CNTNAP5: variants seen among roughly 807,000 people sequenced by gnomAD.
CNTNAP5 encodes the protein contactin-associated protein-like 5.
Under a neutral mutation model 150.2 loss-of-function variants are expected in CNTNAP5, and 72 were observed. The observed-to-expected ratio is 0.48, with a 90% CI of 0.40 to 0.58. The LOEUF (loss-of-function observed/expected upper bound fraction) is 0.58. Ranked by LOEUF, CNTNAP5 falls within the 20% of genes least tolerant of loss-of-function variation. The pLI is 0.00. For synonymous variants in CNTNAP5, 672 were observed against 619.8 expected (o/e 1.08, Z -1.25); for missense variants, 1,636 against 1,626.2 (o/e 1.01, Z -0.10).
intron 4 of CNTNAP5, among the ~76,000 whole-genome samples, chr2:124,432,182 A>T (rs1359498456): frequency 1.3e-5 from 2 of 152,206 alleles, no homozygotes; most frequent in Admixed American, 1.3e-4. Flanking sequence ...ATATCTGTCT[A>T]TGGGGGTGGG....
intron 13 of CNTNAP5, among the ~76,000 whole-genome samples, chr2:124,669,665 T>G (rs1250002954): frequency 6.6e-6 from 1 of 152,218 alleles, no homozygotes; most frequent in East Asian, 1.9e-4. Context: ...CTGATCTTCT[T>G]CCTCCAAATA....
chr2:124,611,841 C>G (rs138100930), intron 12 of CNTNAP5, among the ~76,000 whole-genome samples: 53 of 152,104 alleles, frequency 3.5e-4, no homozygotes, highest in Admixed American at 3.1e-3. Context: ...TACTGAGCTT[C>G]GACTCTCTCT....
intron 11 of CNTNAP5, among the ~76,000 whole-genome samples, chr2:124,592,718 A>G (rs1239536614): frequency 2.0e-5 from 3 of 151,586 alleles, no homozygotes; most frequent in Non-Finnish European, 4.4e-5. Context: ...AAGTAACGTC[A>G]GACATCTTTT....
chr2:124,725,288 A>AT (rs1298265592), intron 13 of CNTNAP5, among the ~76,000 whole-genome samples: 1 of 151,878 alleles, frequency 6.6e-6, no homozygotes, highest in Non-Finnish European at 1.5e-5. Context: ...AGGGATTGTT[A>AT]TTTTTTTCCA....
chr2:124,612,474 A>G (rs1008697397), intron 12 of CNTNAP5, among the ~76,000 whole-genome samples: 24 of 152,190 alleles, frequency 1.6e-4, no homozygotes, highest in African/African-American at 5.5e-4. Flanking sequence ...TGACTGATAC[A>G]TAGGTTTCAT....
chr2:124,242,589 C>A, intron 3 of CNTNAP5, 196 bp downstream of exon 3: 1 of 410,332 alleles, frequency 2.4e-6, no homozygotes, highest in Non-Finnish European at 4.1e-6. Context: ...ATGTCTGTCG[C>A]AAATAGTTTA....
At chr2:124,369,245 A>G (rs779982) in intron 3 of CNTNAP5, among the ~76,000 whole-genome samples, 23,342 of 151,994 alleles carry the variant, frequency 0.15, 2,030 homozygotes, top group African/African-American at 0.21. Flanking sequence ...GCCTTTGTAT[A>G]TTTTCATAGA....
At chr2:124,774,687 C>T (rs1049019182) in intron 17 of CNTNAP5, among the ~76,000 whole-genome samples, 2 of 152,092 alleles carry the variant, frequency 1.3e-5, no homozygotes, top group African/African-American at 2.4e-5. Flanking sequence ...AAGTGTTTCA[C>T]AATTTTCATA....
At chr2:124,618,414 A>G (rs2104993484) in intron 12 of CNTNAP5, among the ~76,000 whole-genome samples, 1 of 152,262 alleles carries the variant, frequency 6.6e-6, no homozygotes, top group South Asian at 2.1e-4. Context: ...GTGTGAATAT[A>G]TAAAAGGAAT....
At chr2:124,861,336 G>T (rs1677519476) in intron 19 of CNTNAP5, among the ~76,000 whole-genome samples, 1 of 152,034 alleles carries the variant, frequency 6.6e-6, no homozygotes, top group African/African-American at 2.4e-5. Context: ...ACTTTGGGAG[G>T]CTGAGACGGG....
At chr2:124,388,806 G>A (rs192343100) in intron 3 of CNTNAP5, among the ~76,000 whole-genome samples, 114 of 152,072 alleles carry the variant, frequency 7.5e-4, no homozygotes, top group Middle Eastern at 3.4e-3. Flanking sequence ...TCTGCCTCCC[G>A]AGTAGCTGGG....
At chr2:124,206,392 A>G (rs1573835272) in intron 1 of CNTNAP5, among the ~76,000 whole-genome samples, 1 of 152,156 alleles carries the variant, frequency 6.6e-6, no homozygotes, top group Non-Finnish European at 1.5e-5. Flanking sequence ...ACCTTGCAGG[A>G]CATTTTGTGA....
chr2:124,234,955 A>T (rs2104757709), intron 2 of CNTNAP5, among the ~76,000 whole-genome samples: 1 of 152,264 alleles, frequency 6.6e-6, no homozygotes, highest in African/African-American at 2.4e-5. Context: ...ATTTCAGCCA[A>T]AAGCCAGCAT....
At chr2:124,889,078 CTTTTTTTTT>C (rs761790564) in intron 21 of CNTNAP5, among the ~76,000 whole-genome samples, 2 of 68,780 alleles carry the variant, frequency 2.9e-5, no homozygotes, top group Non-Finnish European at 2.9e-5. Flanking sequence ...TGAGGTCTAG[CTTTTTTTTT>C]TTTTTTTTTT....
chr2:124,490,253 G>A (rs905007124), intron 7 of CNTNAP5, among the ~76,000 whole-genome samples: 31 of 151,658 alleles, frequency 2.0e-4, no homozygotes, highest in African/African-American at 7.0e-4. Context: ...AGAATTGCTT[G>A]AACCAGGGAG....
chr2:124,432,459 C>A (rs947196399), intron 4 of CNTNAP5, among the ~76,000 whole-genome samples: 1 of 152,108 alleles, frequency 6.6e-6, no homozygotes, highest in Non-Finnish European at 1.5e-5. Context: ...CTCTAAGAAA[C>A]CCTGTCTGAA....
chr2:124,770,986 C>T (rs1273075253), intron 16 of CNTNAP5, among the ~76,000 whole-genome samples: 1 of 152,162 alleles, frequency 6.6e-6, no homozygotes, highest in African/African-American at 2.4e-5. Context: ...CTCTTAAATC[C>T]CATTCTTACT....
Position 124,679,925 on chromosome 2 carries a change from T to C in CNTNAP5, c.2077+31967T>C, listed in dbSNP as rs764443678. On this transcript the variant is annotated intron_variant, in intron 13 of 23. Coordinates refer to ENST00000682447, the MANE Select transcript of CNTNAP5 (RefSeq NM_001367498.1). The stretch of plus-strand genomic sequence containing the variant: ...AAATGCATTTCTTTGCTAATTTCTT[T>C]GGGTACATGGCTGTTTGTCTTCTCA... Among the ~76,000 whole-genome samples, 118 of 151,790 alleles carry C rather than the reference T, an allele frequency of 7.8e-4. 3 individuals are homozygous for C. The highest frequency in any genetic ancestry group is 2.9e-4 in the Non-Finnish European group (20 of 68,022).
chr2:124,737,302 A>T (rs1573583365), intron 13 of CNTNAP5, among the ~76,000 whole-genome samples: 1 of 152,008 alleles, frequency 6.6e-6, no homozygotes, highest in East Asian at 1.9e-4. Flanking sequence ...AAAAAAAAAA[A>T]AAAATTGGGA....
Sources: gnomAD v4.1 joint callset for allele counts (sites outside exome capture counted in the v4.1 genomes callset) on GRCh38, gnomAD v4.1.1 for gene constraint, MANE v1.5 for transcripts, NCBI Gene and HGNC (gene_info 2026-07-23, HGNC 2026-07-21) for gene names.